The following CCDC171 variants were observed in gnomAD, a reference collection of about 807,000 sequenced individuals.
CCDC171 encodes coiled-coil domain-containing protein 171.
In CCDC171, 177 loss-of-function variants were observed where a neutral mutation model predicts 168.2. That is an observed-to-expected ratio of 1.05 (90% CI 0.93 to 1.19). CCDC171 has a LOEUF of 1.19. Ranked by LOEUF, CCDC171 falls within the 50% of genes most tolerant of loss-of-function variation. The pLI is 0.00. For synonymous variants in CCDC171, 687 were observed against 540.8 expected, an observed-to-expected ratio of 1.27 and a Z score of -3.75; for missense variants, 1,991 against 1,539.0, an observed-to-expected ratio of 1.29 and a Z score of -4.91.
In CCDC171 at chr9:15,642,341, GTGTATATATA is replaced by G. The variant is rs1267743286; in HGVS notation, c.823-14784_823-14775del. On this transcript the variant is annotated intron_variant, in intron 7 of 25. Transcript: ENST00000380701. ...TATATATATATATACACGTGTGTGT[GTGTATATATA>G]TATATATATATATATATATATATAT... 7.1e-3 allele frequency among the ~76,000 whole-genome samples: 289 copies of G among 40,956 alleles called. 7 individuals are homozygous for G. The highest frequency in any genetic ancestry group is 0.018 in the African/African-American group (267 of 15,150). 26.9% of individuals were successfully genotyped at this position (40,956 alleles called of 152,430 possible).
In CCDC171 at chr9:15,870,546, A is replaced by G. The variant is rs2061990770; in HGVS notation, c.3469-3986A>G. Among the ~76,000 whole-genome samples the G allele has an allele frequency of 2.0e-5, 3 of 151,896 alleles. No individual in the cohort carries two copies. The East Asian group carries it at 5.8e-4, about 29-fold the overall frequency. The stretch of plus-strand genomic sequence containing the variant: ...CAGGCATTCAGGATTCAGACACTGT[A>G]TACATCTTCTTACATGTGTTTTTAA... On this transcript the variant is annotated intron_variant, in intron 23 of 25. Coordinates refer to ENST00000380701, the MANE Select transcript of CCDC171 (RefSeq NM_173550.4).
intron 7 of CCDC171, among the ~76,000 whole-genome samples, chr9:15,627,321 G>C (rs567533262): frequency 6.6e-6 from 1 of 151,598 alleles, no homozygotes; most frequent in Non-Finnish European, 1.5e-5. Flanking sequence ...ATCTCTTTCA[G>C]TTCTGCTCTG....
intron 7 of CCDC171, among the ~76,000 whole-genome samples, chr9:15,633,243 C>CA (rs1564097862): frequency 6.6e-6 from 1 of 151,968 alleles, no homozygotes; most frequent in African/African-American, 2.4e-5. Context: ...GCAACCTACA[C>CA]AATGGGAGAA....
In CCDC171 at chr9:15,558,566, G is replaced by A. The variant is rs550059317; in HGVS notation, c.-112+5264G>A. Among the ~76,000 whole-genome samples the A allele has an allele frequency of 5.3e-5, 8 of 152,256 alleles. No individual in the cohort carries two copies. In the East Asian group the frequency reaches 7.7e-4, roughly 15 times the overall value. On this transcript the variant is annotated intron_variant, in intron 1 of 25. Coordinates refer to ENST00000380701, the MANE Select transcript of CCDC171 (RefSeq NM_173550.4). ...CTGATGGTAGTTTGTATTTCTGTGG[G>A]ATCAGTGGTGATATCCCCTTTATCT...
intron 21 of CCDC171, among the ~76,000 whole-genome samples, chr9:15,829,630 A>G (rs181926059): frequency 4.0e-3 from 611 of 152,270 alleles, no homozygotes; most frequent in Admixed American, 6.8e-3. Context: ...TGCTAAAAGA[A>G]CTATGTAGGC....
At chr9:15,920,196 T>C in intron 24 of CCDC171, 74 bp from the exon 25 acceptor site, 1 of 954,422 alleles carries the variant, frequency 1.0e-6, no homozygotes, top group Non-Finnish European at 1.4e-6. Context: ...ATGGTTTTGC[T>C]TTCAAATTAT....
In CCDC171 at chr9:15,583,297, C is replaced by G. The variant is rs879813539; in HGVS notation, c.352+4274C>G. ...GGGTGTGGTGGCGCACGCCTGTAGTCCCAGCTACTTGGGAGGCTGAGGCAG... is the reference window on the plus strand; with the variant it reads ...GGGTGTGGTGGCGCACGCCTGTAGTGCCAGCTACTTGGGAGGCTGAGGCAG... On this transcript the variant is annotated intron_variant, in intron 4 of 25. Coordinates refer to ENST00000380701, the MANE Select transcript of CCDC171 (RefSeq NM_173550.4). Among the ~76,000 whole-genome samples, 39 of 152,038 alleles carry G rather than the reference C, an allele frequency of 2.6e-4. 1 individual carries two copies. The highest frequency in any genetic ancestry group is 1.8e-3 in the Admixed American group (28 of 15,270).
At chr9:15,700,525 C>T (rs566415747) in intron 11 of CCDC171, among the ~76,000 whole-genome samples, 2 of 152,264 alleles carry the variant, frequency 1.3e-5, no homozygotes, top group African/African-American at 4.8e-5. Flanking sequence ...CCTTAAGTGC[C>T]GCCAAGGTTC....
intron 10 of CCDC171, among the ~76,000 whole-genome samples, chr9:15,693,391 C>T (rs932687880): frequency 2.0e-5 from 3 of 151,962 alleles, no homozygotes; most frequent in African/African-American, 7.3e-5. Flanking sequence ...TGATAACATG[C>T]TATAATTAAC....
chr9:15,868,145 C>T (rs776794862), intron 23 of CCDC171, among the ~76,000 whole-genome samples: 1 of 151,894 alleles, frequency 6.6e-6, no homozygotes, highest in Non-Finnish European at 1.5e-5. Flanking sequence ...GCCCTCTTTT[C>T]TGGTGACAGC....
intron 4 of CCDC171, chr9:15,587,574 C>G (rs2041659482): frequency 2.2e-6 from 1 of 452,860 alleles, no homozygotes; most frequent in Admixed American, 2.4e-5. Flanking sequence ...GAATACAAAG[C>G]CAGGAGGAAG....
chr9:15,666,644 G>A (rs1211818871), intron 9 of CCDC171, among the ~76,000 whole-genome samples: 2 of 152,094 alleles, frequency 1.3e-5, no homozygotes, highest in East Asian at 3.9e-4. Context: ...GCAACATAGT[G>A]AGACTTTGTC....
At chr9:15,744,829 G>A in intron 17 of CCDC171, 52 bp downstream of exon 17, 3 of 1,536,454 alleles carry the variant, frequency 2.0e-6, no homozygotes, top group Non-Finnish European at 2.6e-6. Context: ...GCGAAATACA[G>A]TGTGACTATA....
chr9:15,617,251 G>C (rs184469558), intron 6 of CCDC171, among the ~76,000 whole-genome samples: 395 of 152,194 alleles, frequency 2.6e-3, no homozygotes, highest in African/African-American at 9.1e-3. Flanking sequence ...GCGATCATTC[G>C]GAGGAGAAAA....
At chr9:15,869,017 T>C in intron 23 of CCDC171, among the ~76,000 whole-genome samples, 1 of 151,982 alleles carries the variant, frequency 6.6e-6, no homozygotes, top group East Asian at 1.9e-4. Context: ...CCTAATACAA[T>C]GTAAGTGCTA....
In CCDC171 at chr9:15,810,310, C is replaced by G. The variant is rs189533787; in HGVS notation, c.3267+25616C>G. ...CATAAAAGTTCTCCAAGTCCCCACC[C>G]GACTCAGGAGCCCAGCTGGCTTTGC... On this transcript the variant is annotated intron_variant, in intron 21 of 25. Transcript: ENST00000380701. Among the ~76,000 whole-genome samples, 8 of 152,356 alleles carry G rather than the reference C, an allele frequency of 5.3e-5. No homozygotes were observed. The East Asian group carries it at 1.2e-3, about 22-fold the overall frequency.
chr9:15,687,305 A>G (rs898195506), intron 10 of CCDC171, among the ~76,000 whole-genome samples: 1 of 152,164 alleles, frequency 6.6e-6, no homozygotes, highest in African/African-American at 2.4e-5. Context: ...TATTCAAAAA[A>G]AATACTGGGG....
intron 7 of CCDC171, among the ~76,000 whole-genome samples, chr9:15,645,369 C>G (rs1191988038): frequency 1.3e-5 from 2 of 152,124 alleles, no homozygotes; most frequent in East Asian, 3.9e-4. Context: ...TCCCCAGCAA[C>G]AGAACAAAGC....
chr9:15,784,795 G>A, intron 21 of CCDC171, 101 bp downstream of exon 21: 1 of 868,188 alleles, frequency 1.2e-6, no homozygotes, highest in Non-Finnish European at 1.7e-6. Flanking sequence ...ATCCCAAGAT[G>A]TAAAATTTTA....
Sources: allele counts gnomAD v4.1 joint callset (sites outside exome capture counted in the v4.1 genomes callset), GRCh38; gene constraint gnomAD v4.1.1; transcripts MANE v1.5; gene names NCBI Gene and HGNC (gene_info 2026-07-23, HGNC 2026-07-21).